Variants in OSTN observed in about 807,000 individuals in gnomAD.
The protein encoded by OSTN is osteocrin.
A neutral mutation model predicts 12.0 loss-of-function variants in OSTN; 9 were observed. That is an observed-to-expected ratio of 0.75 (90% CI 0.45 to 1.30). The LOEUF is 1.30. Among genes scored for constraint, OSTN ranks in the 50% most tolerant of loss-of-function variants. The pLI is 0.00. For missense variants in OSTN, 148 were observed against 152.3 expected, an observed-to-expected ratio of 0.97 and a Z score of 0.15; for synonymous variants, 59 against 56.9, an observed-to-expected ratio of 1.04 and a Z score of -0.16.
intron 2 of OSTN, 65 bp from the exon 3 acceptor site, chr3:191,218,682 T>C (rs2108532768): frequency 7.6e-7 from 1 of 1,316,694 alleles, no homozygotes; most frequent in South Asian, 1.3e-5. Flanking sequence ...AAAAGCCAGA[T>C]GCATATGTAC....
At chr3:191,227,675 C>T (rs193261400) in intron 3 of OSTN, among the ~76,000 whole-genome samples, 51 of 152,162 alleles carry the variant, frequency 3.4e-4, no homozygotes, top group Middle Eastern at 3.4e-3. Flanking sequence ...TCTGGGGGAA[C>T]GACTGTTTTT....
chr3:191,205,940 T>C (rs1483909699), intron 1 of OSTN, among the ~76,000 whole-genome samples: 1 of 152,148 alleles, frequency 6.6e-6, no homozygotes, highest in African/African-American at 2.4e-5. Flanking sequence ...ATCTCAGCAC[T>C]TTGGGAGGCT....
At chr3:191,257,418 A>G (rs1715698173) in intron 4 of OSTN, among the ~76,000 whole-genome samples, 1 of 152,148 alleles carries the variant, frequency 6.6e-6, no homozygotes, top group Non-Finnish European at 1.5e-5. Context: ...TGCAGAGCCC[A>G]GGACAAAAGA....
chr3:191,199,960 T>A (rs1279073177), intron 1 of OSTN, among the ~76,000 whole-genome samples: 1 of 152,166 alleles, frequency 6.6e-6, no homozygotes, highest in Non-Finnish European at 1.5e-5. Flanking sequence ...TTTAAAATTT[T>A]ATTTCAGGTT....
At chr3:191,208,070 G>A (rs1050229069) in intron 1 of OSTN, among the ~76,000 whole-genome samples, 18 of 152,090 alleles carry the variant, frequency 1.2e-4, no homozygotes, top group African/African-American at 4.1e-4. Flanking sequence ...GGATTCCATG[G>A]TCGCTGTTTC....
chr3:191,246,422 A>G (rs1019778615), intron 3 of OSTN, among the ~76,000 whole-genome samples: 1 of 152,074 alleles, frequency 6.6e-6, no homozygotes, highest in Non-Finnish European at 1.5e-5. Context: ...CCTGGCCAAC[A>G]TGATGAAACC....
At chr3:191,204,596 A>G (rs965351368) in intron 1 of OSTN, among the ~76,000 whole-genome samples, 1 of 152,246 alleles carries the variant, frequency 6.6e-6, no homozygotes, top group Non-Finnish European at 1.5e-5. Flanking sequence ...CGCAGTTTCA[A>G]TAAAAAAAGA....
rs71298518 is a variant in OSTN at position 191,214,436 on chromosome 3, CAAAAAAAAAAAAA to C, written c.102+1816_102+1828del. ...CTGTTAACAGAGTGAGACTCCATCT[CAAAAAAAAAAAAA>C]AAAAAAAAAAAAACAGCAACAAAAA... is the stretch of plus-strand genomic sequence containing the variant. On this transcript the variant is annotated intron_variant, in intron 2 of 4. Coordinates refer to ENST00000682035, the MANE Select transcript of OSTN (RefSeq NM_198184.2). 6.7e-4 allele frequency among the ~76,000 whole-genome samples: 13 copies of C among 19,346 alleles called. No individual in the cohort carries two copies. In the South Asian group the frequency reaches 0.012, roughly 18 times the overall value. 12.7% of individuals were successfully genotyped at this position (19,346 alleles called of 152,430 possible). A position where few individuals can be genotyped will look rare whatever the true frequency, so the allele number is the denominator to read the frequency against.
intron 3 of OSTN, among the ~76,000 whole-genome samples, chr3:191,220,712 T>A (rs1221092838): frequency 6.6e-6 from 1 of 152,132 alleles, no homozygotes; most frequent in Non-Finnish European, 1.5e-5. Flanking sequence ...TAGTTGAGCT[T>A]TTAGAGAAGA....
intron 3 of OSTN, among the ~76,000 whole-genome samples, chr3:191,226,396 G>A (rs1388611414): frequency 6.6e-6 from 1 of 152,158 alleles, no homozygotes; most frequent in Admixed American, 6.5e-5. Context: ...TTTTAAACAT[G>A]ATGTACATGT....
chr3:191,249,594 T>C (rs1262406785), intron 3 of OSTN, among the ~76,000 whole-genome samples: 1 of 152,168 alleles, frequency 6.6e-6, no homozygotes, highest in Non-Finnish European at 1.5e-5. Context: ...CATCATACTC[T>C]TTCCTCTCCC....
chr3:191,204,838 C>CT (rs1161923168), intron 1 of OSTN, among the ~76,000 whole-genome samples: 8 of 152,148 alleles, frequency 5.3e-5, no homozygotes, highest in African/African-American at 1.9e-4. Context: ...TGTAAGTTCC[C>CT]TAAGTGACTG....
intron 3 of OSTN, among the ~76,000 whole-genome samples, chr3:191,246,101 G>A (rs1023313913): frequency 2.8e-5 from 4 of 144,066 alleles, no homozygotes; most frequent in South Asian, 2.2e-4. Context: ...AAGAGTAAAC[G>A]TATTATTTTT....
chr3:191,232,271 TTCAG>T (rs2108541701), intron 3 of OSTN, among the ~76,000 whole-genome samples: 1 of 146,330 alleles, frequency 6.8e-6, no homozygotes, highest in East Asian at 2.0e-4. Flanking sequence ...AGGCGGAGGT[TTCAG>T]TGAGCCAAGA....
chr3:191,244,088 TTTTTAC>T (rs1715378163), intron 3 of OSTN, among the ~76,000 whole-genome samples: 1 of 152,132 alleles, frequency 6.6e-6, no homozygotes, highest in South Asian at 2.1e-4. Flanking sequence ...GGGCTGTTCA[TTTTTAC>T]TCTCTTTAAA....
intron 3 of OSTN, among the ~76,000 whole-genome samples, chr3:191,247,437 A>C (rs1715459105): frequency 6.6e-6 from 1 of 152,214 alleles, no homozygotes; most frequent in African/African-American, 2.4e-5. Context: ...ATAAGGATTA[A>C]ATACTTTTTT....
intron 3 of OSTN, among the ~76,000 whole-genome samples, chr3:191,223,934 G>A (rs1714840143): frequency 6.6e-6 from 1 of 151,912 alleles, no homozygotes; most frequent in Non-Finnish European, 1.5e-5. Flanking sequence ...CTGTATTTGA[G>A]AGATGCAATT....
At chr3:191,239,541 C>T (rs1235328977) in intron 3 of OSTN, among the ~76,000 whole-genome samples, 2 of 152,288 alleles carry the variant, frequency 1.3e-5, no homozygotes, top group East Asian at 3.9e-4. Context: ...GTCCATGTGG[C>T]TAATTCCTTG....
At chr3:191,228,127 T>C (rs763307342) in intron 3 of OSTN, among the ~76,000 whole-genome samples, 1 of 152,194 alleles carries the variant, frequency 6.6e-6, no homozygotes, top group Non-Finnish European at 1.5e-5. Flanking sequence ...GATGCTCAGA[T>C]TGTCATACTT....
Sources: allele counts gnomAD v4.1 joint callset (sites outside exome capture counted in the v4.1 genomes callset), GRCh38; gene constraint gnomAD v4.1.1; transcripts MANE v1.5; gene names NCBI Gene and HGNC (gene_info 2026-07-23, HGNC 2026-07-21).